Variants in ENOX1 observed in about 807,000 individuals in gnomAD.
ENOX1 encodes candidate growth-related and time keeping constitutive hydroquinone (NADH) oxidase.
A neutral mutation model predicts 82.5 loss-of-function variants in ENOX1; 42 were observed. The ratio of observed to expected loss-of-function variants is 0.51; its 90% CI spans 0.40 to 0.66. ENOX1 has a LOEUF of 0.66. ENOX1 is among the 30% of genes least tolerant of loss of function. The probability of loss-of-function intolerance (pLI) is 0.00; values close to 1 mark genes in which losing one functional copy is unlikely to be tolerated. For synonymous variants in ENOX1, 271 were observed against 282.2 expected (o/e 0.96, Z 0.40); for missense variants, 608 against 811.6 (o/e 0.75, Z 3.05).
chr13:43,590,422 T>C (rs549680126), intron 2 of ENOX1, among the ~76,000 whole-genome samples: 248 of 151,630 alleles, frequency 1.6e-3, no homozygotes, highest in Non-Finnish European at 3.1e-3. Flanking sequence ...ATAAAGAAAA[T>C]GAAGAGTTAA....
intron 11 of ENOX1, among the ~76,000 whole-genome samples, chr13:43,299,025 C>T (rs1392957251): frequency 6.6e-6 from 1 of 152,202 alleles, no homozygotes; most frequent in Non-Finnish European, 1.5e-5. Context: ...GCACACCACT[C>T]CTTCCTGCTC....
At chr13:43,567,278 T>C (rs537546462) in intron 2 of ENOX1, among the ~76,000 whole-genome samples, 1 of 152,268 alleles carries the variant, frequency 6.6e-6, no homozygotes, top group South Asian at 2.1e-4. Flanking sequence ...GTTATCAAAA[T>C]ACATGTGTTA....
chr13:43,597,914 T>G (rs547427525), intron 2 of ENOX1, among the ~76,000 whole-genome samples: 1 of 152,282 alleles, frequency 6.6e-6, no homozygotes, highest in East Asian at 1.9e-4. Flanking sequence ...CCTAGAACTC[T>G]CATCCCTTCC....
intron 1 of ENOX1, among the ~76,000 whole-genome samples, chr13:43,685,387 G>C (rs1038670467): frequency 6.6e-6 from 1 of 152,118 alleles, no homozygotes; most frequent in African/African-American, 2.4e-5. Flanking sequence ...GTAAGGAGTT[G>C]AGTATGGCAT....
intron 2 of ENOX1, among the ~76,000 whole-genome samples, chr13:43,531,332 A>G (rs2153688330): frequency 6.6e-6 from 1 of 152,286 alleles, no homozygotes; most frequent in East Asian, 1.9e-4. Context: ...AATGCTCATC[A>G]TCACTGGCCA....
In ENOX1 at chr13:43,565,175, G is replaced by C. The variant is rs945563748; in HGVS notation, c.-218-81023C>G. Among the ~76,000 whole-genome samples the C allele has an allele frequency of 2.6e-5, 4 of 152,106 alleles. No individual in the cohort carries two copies. In the South Asian group the frequency reaches 8.3e-4, roughly 31 times the overall value. The stretch of plus-strand genomic sequence containing the variant: ...CCTCTGAGGAAGTGATATCTGAGTT[G>C]ACAGCTGAATGATGAAGCAGAAGAT... On this transcript the variant is annotated intron_variant, in intron 2 of 16. Transcript: ENST00000690772.
chr13:43,399,279 T>C (rs996886921), intron 5 of ENOX1, among the ~76,000 whole-genome samples: 1 of 152,194 alleles, frequency 6.6e-6, no homozygotes, highest in Non-Finnish European at 1.5e-5. Context: ...AGTTTTTTAC[T>C]GTGTGGGGGT....
At chr13:43,511,218 G>T (rs796736988) in intron 2 of ENOX1, among the ~76,000 whole-genome samples, 12 of 152,220 alleles carry the variant, frequency 7.9e-5, no homozygotes, top group African/African-American at 2.6e-4. Context: ...AAAGCACATT[G>T]CTAAATGTGT....
At chr13:43,734,198 T>C (rs2089490997) in intron 1 of ENOX1, among the ~76,000 whole-genome samples, 1 of 140,356 alleles carries the variant, frequency 7.1e-6, no homozygotes, top group African/African-American at 2.8e-5. Flanking sequence ...ATTTTGTTGT[T>C]GGTTGTTGTT....
At chr13:43,340,586 C>T (rs1426614740) in intron 9 of ENOX1, among the ~76,000 whole-genome samples, 1 of 152,150 alleles carries the variant, frequency 6.6e-6, no homozygotes, top group African/African-American at 2.4e-5. Flanking sequence ...ATTCTTTCAC[C>T]CCAACTCTCC....
chr13:43,438,661 A>G (rs1192503364), intron 3 of ENOX1, among the ~76,000 whole-genome samples: 1 of 152,192 alleles, frequency 6.6e-6, no homozygotes, highest in East Asian at 1.9e-4. Flanking sequence ...TTCCCTCAGT[A>G]GCCACAAAGC....
intron 1 of ENOX1, among the ~76,000 whole-genome samples, chr13:43,686,968 T>C (rs1238017863): frequency 6.7e-6 from 1 of 149,786 alleles, no homozygotes; most frequent in Non-Finnish European, 1.5e-5. Flanking sequence ...AGAAGTGAAC[T>C]TTACTCACTT....
rs191426328 is a variant in ENOX1 at position 43,227,650 on chromosome 13, C to T, written c.1715-3512G>A. Reference sequence around the variant, plus strand: ...TTCATTGAAACTATTTTGCTCATAACTAAGGGGAAAATCAGATTCTAAAAT... The same window carrying T: ...TTCATTGAAACTATTTTGCTCATAATTAAGGGGAAAATCAGATTCTAAAAT... On this transcript the variant is annotated intron_variant, in intron 15 of 16. Transcript: ENST00000690772. Among the ~76,000 whole-genome samples the T allele has an allele frequency of 2.0e-5, 3 of 152,166 alleles. No homozygotes were observed. In the East Asian group the frequency reaches 5.8e-4, roughly 29 times the overall value.
chr13:43,581,979 C>T (rs1010174979), intron 2 of ENOX1, among the ~76,000 whole-genome samples: 2 of 152,132 alleles, frequency 1.3e-5, no homozygotes, highest in African/African-American at 2.4e-5. Flanking sequence ...ATCATATCTG[C>T]ACCCTGGAAA....
chr13:43,305,089 T>A (rs983331579), intron 11 of ENOX1, among the ~76,000 whole-genome samples: 2 of 152,146 alleles, frequency 1.3e-5, no homozygotes, highest in African/African-American at 4.8e-5. Flanking sequence ...GGGTCCTTCA[T>A]CATTGGTAGC....
chr13:43,640,870 GCA>G (rs34265542), intron 2 of ENOX1, among the ~76,000 whole-genome samples: 107,131 of 150,744 alleles, frequency 0.71, 38,106 homozygotes, highest in East Asian at 0.95. Flanking sequence ...ATACACACAT[GCA>G]CACACACACG....
At chr13:43,739,726 G>C (rs2089809558) in intron 1 of ENOX1, among the ~76,000 whole-genome samples, 1 of 151,940 alleles carries the variant, frequency 6.6e-6, no homozygotes, top group Non-Finnish European at 1.5e-5. Context: ...GATGGATAAA[G>C]TCTAAAGAAG....
intron 1 of ENOX1, among the ~76,000 whole-genome samples, chr13:43,728,088 T>C (rs532033851): frequency 1.5e-4 from 23 of 152,204 alleles, no homozygotes; most frequent in Admixed American, 5.2e-4. Flanking sequence ...TTCCTCTTAT[T>C]CTCCTTTGCT....
intron 14 of ENOX1, among the ~76,000 whole-genome samples, chr13:43,248,003 A>G (rs1230935602): frequency 2.8e-5 from 4 of 142,196 alleles, no homozygotes; most frequent in Admixed American, 1.4e-4. Flanking sequence ...CTCCTGCCTC[A>G]GCCTCCCAAG....
Sources: allele counts gnomAD v4.1 joint callset (sites outside exome capture counted in the v4.1 genomes callset), GRCh38; gene constraint gnomAD v4.1.1; transcripts MANE v1.5; gene names NCBI Gene and HGNC (gene_info 2026-07-23, HGNC 2026-07-21).